Variants in ZNF395 observed in about 807,000 individuals in gnomAD.
The protein encoded by ZNF395 is zinc finger protein 395.
A neutral mutation model predicts 57.7 loss-of-function variants in ZNF395; 20 were observed. The ratio of observed to expected loss-of-function variants is 0.35; its 90% CI spans 0.24 to 0.50. The LOEUF is 0.50. Ranked by LOEUF, ZNF395 falls within the 20% of genes least tolerant of loss-of-function variation. The pLI is 0.97. For synonymous variants in ZNF395, 295 were observed against 275.9 expected, an observed-to-expected ratio of 1.07 and a Z score of -0.69; for missense variants, 606 against 671.2, an observed-to-expected ratio of 0.90 and a Z score of 1.07.
At chr8:28,371,412 C>T (rs1331777762) in intron 1 of ZNF395, among the ~76,000 whole-genome samples, 1 of 152,170 alleles carries the variant, frequency 6.6e-6, no homozygotes, top group Non-Finnish European at 1.5e-5. Context: ...AATTCCTGGG[C>T]TCAATCGATC....
chr8:28,359,914 C>G lies in ZNF395; in HGVS notation c.241-90G>C. ...CACCCCACGTCCCAGGAGCCAGGAT[C>G]TGCCTGCCACAAACCATGTTCTCTG... On this transcript the variant is annotated intron_variant, in intron 2 of 9. Coordinates refer to ENST00000344423, the MANE Select transcript of ZNF395 (RefSeq NM_018660.3). This position sits in a 1 kb window ranked among gnomAD's most constrained non-coding sequence, Gnocchi z 4.7. 6.7e-7 allele frequency: 1 copy of G among 1,502,518 alleles called. No homozygotes were observed. Among genetic ancestry groups the G allele is most frequent in the Non-Finnish European group, 8.9e-7 (1 of 1,121,574 alleles). The allele number at this position is 1,502,518 out of a possible 1,614,324, so 93.1% of individuals were successfully genotyped here.
rs1415611570 is a variant in ZNF395 at position 28,356,802 on chromosome 8, G to A, written c.474-23C>T. ...TTCCTGGATTCACACGGATGAGTGG[G>A]AAATGTTACTTCCTGGCATGGCGGG... On this transcript the variant is annotated intron_variant, in intron 3 of 9. Transcript: ENST00000344423. The surrounding 1 kb of genome is among the most constrained non-coding windows in gnomAD (Gnocchi z 4.0). 1.4e-5 allele frequency: 22 copies of A among 1,597,168 alleles called. No individual in the cohort carries two copies. Among genetic ancestry groups the A allele is most frequent in the Non-Finnish European group, 1.6e-5 (19 of 1,166,978 alleles).
chr8:28,362,475 G>C (rs1320128508), intron 1 of ZNF395, among the ~76,000 whole-genome samples: 1 of 152,210 alleles, frequency 6.6e-6, no homozygotes, highest in East Asian at 1.9e-4. Context: ...AAAACACCAG[G>C]GTTTCCAGGG....
chr8:28,351,028 G>A (rs1801675132), intron 7 of ZNF395, among the ~76,000 whole-genome samples: 1 of 152,154 alleles, frequency 6.6e-6, no homozygotes, highest in Non-Finnish European at 1.5e-5. Context: ...CTCTCAATCT[G>A]AACCATGCCC....
At chr8:28,378,386 G>A (rs1447802826) in intron 1 of ZNF395, among the ~76,000 whole-genome samples, 2 of 152,128 alleles carry the variant, frequency 1.3e-5, no homozygotes, top group Non-Finnish European at 1.5e-5. Context: ...CCATGGGCAG[G>A]TGTACCATCA....
chr8:28,371,328 G>A (rs865871281), intron 1 of ZNF395, among the ~76,000 whole-genome samples: 1 of 152,118 alleles, frequency 6.6e-6, no homozygotes, highest in Non-Finnish European at 1.5e-5. Context: ...CTACAGGTGC[G>A]TGCCACCACA....
At position 28,361,594 on chromosome 8, in the gene ZNF395, G is replaced by C. The variant is rs540090841; in HGVS notation, c.-58-412C>G. Among the ~76,000 whole-genome samples the C allele has an allele frequency of 7.4e-4, 112 of 152,230 alleles. 1 individual carries two copies. In the Middle Eastern group the frequency reaches 0.017, roughly 23 times the overall value. Reference sequence around the variant, plus strand: ...CTCTTATTATTTATTGTACCCAAAGGCTGCACCCAATGGTCTGCTGTCTAA... The same window carrying C: ...CTCTTATTATTTATTGTACCCAAAGCCTGCACCCAATGGTCTGCTGTCTAA... On this transcript the variant is annotated intron_variant, in intron 1 of 9. Transcript: ENST00000344423.
chr8:28,353,757 G>A (rs1378480922), intron 4 of ZNF395, among the ~76,000 whole-genome samples: 2 of 151,966 alleles, frequency 1.3e-5, no homozygotes, highest in Non-Finnish European at 2.9e-5. Context: ...CTCCCAAAGT[G>A]CTGCCTGTTT....
intron 1 of ZNF395, among the ~76,000 whole-genome samples, chr8:28,385,770 G>C (rs954847209): frequency 2.7e-5 from 4 of 148,148 alleles, no homozygotes; most frequent in Non-Finnish European, 4.5e-5. Context: ...CTCCGAGAGT[G>C]GGGGCGCCGG....
chr8:28,365,590 T>G (rs1801900968), intron 1 of ZNF395: 2 of 152,202 alleles, frequency 1.3e-5, no homozygotes, highest in Admixed American at 1.3e-4. Flanking sequence ...TGATTTTACA[T>G]TCTCCTCTTA....
At position 28,349,164 on chromosome 8, in the gene ZNF395, A is replaced by C. The variant is rs746510312; in HGVS notation, c.1391T>G (p.Leu464Arg). The change falls in exon 9 of 10, where the codon CTG (leucine) becomes CGG (arginine). Residue 464 changes from leucine to arginine, a missense_variant. Coordinates refer to ENST00000344423, the MANE Select transcript of ZNF395 (RefSeq NM_018660.3). ...QQPAPAMKSHLIVTSPPRAQS... is the reference protein window; with the variant it reads ...QQPAPAMKSHRIVTSPPRAQS... ...GGCCCGGGGTGGAGAAGTGACGATC[A>C]GATGAGATTTCATCGCAGGTGCTGG... is the stretch of plus-strand genomic sequence containing the variant. 4 of 1,564,808 alleles carry C rather than the reference A, an allele frequency of 2.6e-6. No individual in the cohort carries two copies. In the East Asian group the frequency reaches 9.0e-5, roughly 35 times the overall value.
At chr8:28,367,023 C>T (rs779973977) in intron 1 of ZNF395, among the ~76,000 whole-genome samples, 54 of 151,592 alleles carry the variant, frequency 3.6e-4, no homozygotes, top group Non-Finnish European at 1.6e-4. Context: ...AGGATTTTCA[C>T]AGTACAAGCT....
At position 28,350,513 on chromosome 8, in the gene ZNF395, A is replaced by AG. The variant is rs543794329; in HGVS notation, c.1234-358dup. 7.9e-5 allele frequency among the ~76,000 whole-genome samples: 12 copies of AG among 152,196 alleles called. 1 individual carries two copies. The South Asian group carries it at 2.3e-3, about 29-fold the overall frequency. ...AAGAGGCCCCAAGCCTTCTGCGTCTAGGGGGCATGGCTGGGATAAGATATG... is the reference window on the plus strand; with the variant it reads ...AAGAGGCCCCAAGCCTTCTGCGTCTAGGGGGGCATGGCTGGGATAAGATATG... On this transcript the variant is annotated intron_variant, in intron 7 of 9. Coordinates refer to ENST00000344423, the MANE Select transcript of ZNF395 (RefSeq NM_018660.3).
rs1801822230 is a variant in ZNF395, at chr8:28,359,526, A to G, written c.473+66T>C. ...CCACATTTCTTCCCCACCACAACAC[A>G]GCCCACACCCTTACACCACACTACC... is the stretch of plus-strand genomic sequence containing the variant. On this transcript the variant is annotated intron_variant, in intron 3 of 9. Transcript: ENST00000344423. This position sits in a 1 kb window ranked among gnomAD's most constrained non-coding sequence, Gnocchi z 4.7. The G allele has an allele frequency of 6.7e-7, 1 of 1,491,610 alleles. No individual in the cohort carries two copies. Among genetic ancestry groups the G allele is most frequent in the Non-Finnish European group, 8.9e-7 (1 of 1,117,440 alleles). The allele number at this position is 1,491,610 out of a possible 1,614,324, so 92.4% of individuals were successfully genotyped here.
At chr8:28,350,032 C>T (rs748825288) in intron 8 of ZNF395, 32 bp downstream of exon 8, 28 of 1,544,660 alleles carry the variant, frequency 1.8e-5, no homozygotes, top group African/African-American at 5.5e-5. Flanking sequence ...CTCGGCCATA[C>T]GAGGCCCCAG....
rs146742709 is a variant in ZNF395, at chr8:28,361,024, G to A, written c.101C>T (p.Ser34Leu). 2.7e-5 allele frequency: 43 copies of A among 1,610,534 alleles called. No homozygotes were observed. The highest frequency in any genetic ancestry group is 1.2e-4 in the Admixed American group (7 of 59,722). Reference sequence around the variant, plus strand: ...AGCGGCCCCTTCTAGCAGTGGCTCCGAGGGTGGGGCAGCCGAGGGCCCCTC... The same window carrying A: ...AGCGGCCCCTTCTAGCAGTGGCTCCAAGGGTGGGGCAGCCGAGGGCCCCTC... Reference protein sequence around the residue: ...ASEGPSAAPPSEPLLEGAAPQ... With the variant: ...ASEGPSAAPPLEPLLEGAAPQ... The change falls in exon 2 of 10, where the codon TCG becomes TTG. Residue 34 changes from serine to leucine, a missense_variant. By Grantham distance (145) the Ser-to-Leu change is moderately radical. Coordinates refer to ENST00000344423, the MANE Select transcript of ZNF395 (RefSeq NM_018660.3).
chr8:28,353,911 G>A (rs2129946439), intron 4 of ZNF395, among the ~76,000 whole-genome samples: 1 of 152,242 alleles, frequency 6.6e-6, no homozygotes, highest in East Asian at 1.9e-4. Flanking sequence ...CAACTTAAAG[G>A]TCTTCTTGAC....
rs766109111 is a variant in ZNF395, at chr8:28,347,430, T to A, written c.*1289A>T. ...TGCCATCCGGGCGTGGCTCACTCTG[T>A]CTTCGCGCAGGGCTGGTTGGCATGG... On this transcript the variant is annotated 3_prime_UTR_variant, in exon 10 of 10. Coordinates refer to ENST00000344423, the MANE Select transcript of ZNF395 (RefSeq NM_018660.3). The A allele has an allele frequency of 2.6e-5, 4 of 152,170 alleles. No homozygotes were observed. The highest frequency in any genetic ancestry group is 4.4e-5 in the Non-Finnish European group (3 of 68,064). 9.4% of individuals were successfully genotyped at this position (152,170 alleles called of 1,614,324 possible). A position where few individuals can be genotyped will look rare whatever the true frequency, so the allele number is the denominator to read the frequency against.
chr8:28,354,805 C>T (rs542741034), intron 4 of ZNF395, among the ~76,000 whole-genome samples: 1 of 151,438 alleles, frequency 6.6e-6, no homozygotes, highest in South Asian at 2.1e-4. Context: ...GACCCACGCA[C>T]ATCCACTGAT....
Sources: gnomAD v4.1 joint callset for allele counts (sites outside exome capture counted in the v4.1 genomes callset) on GRCh38, gnomAD v4.1.1 for gene constraint, Gnocchi (gnomAD v3.1) non-coding constraint, MANE v1.5 for transcripts, NCBI Gene and HGNC (gene_info 2026-07-23, HGNC 2026-07-21) for gene names.